Variants in LINGO2 observed in about 807,000 individuals in gnomAD.
LINGO2 encodes the protein leucine-rich repeat and immunoglobulin-like domain-containing nogo receptor-interacting protein 2.
A neutral mutation model predicts 30.6 loss-of-function variants in LINGO2; 14 were observed. That is an observed-to-expected ratio of 0.46 (90% CI 0.30 to 0.72). The LOEUF is 0.72. Ranked by LOEUF, LINGO2 falls within the 30% of genes least tolerant of loss-of-function variation. The pLI, the probability that LINGO2 is intolerant of heterozygous loss-of-function variation, is 0.07. For synonymous variants in LINGO2, 317 were observed against 288.5 expected, an observed-to-expected ratio of 1.10 and a Z score of -1.00; for missense variants, 729 against 751.7, an observed-to-expected ratio of 0.97 and a Z score of 0.35.
intron 1 of LINGO2, among the ~76,000 whole-genome samples, chr9:28,635,165 A>C (rs775250100): frequency 7.9e-5 from 12 of 152,152 alleles, no homozygotes; most frequent in Non-Finnish European, 1.8e-4. Flanking sequence ...CCAATATATA[A>C]ATTTTGCTGT....
chr9:28,264,535 A>G (rs1330186285), intron 4 of LINGO2, among the ~76,000 whole-genome samples: 1 of 151,952 alleles, frequency 6.6e-6, no homozygotes, highest in African/African-American at 2.4e-5. Context: ...TTAGCTAGTC[A>G]TTCAGCCCAT....
At chr9:28,402,855 T>C (rs559239012) in intron 2 of LINGO2, among the ~76,000 whole-genome samples, 4 of 152,268 alleles carry the variant, frequency 2.6e-5, no homozygotes, top group South Asian at 2.1e-4. Flanking sequence ...CCAAACACCT[T>C]ACACTTTTAG....
At chr9:28,062,828 TCAC>T (rs747840851) in intron 4 of LINGO2, among the ~76,000 whole-genome samples, 13 of 151,814 alleles carry the variant, frequency 8.6e-5, no homozygotes, top group Non-Finnish European at 1.2e-4. Context: ...TGTGCAACTA[TCAC>T]CACATTTTCA....
At chr9:29,165,539 C>T in the LINGO2 span, among the ~76,000 whole-genome samples, 1 of 151,900 alleles carries the variant, frequency 6.6e-6, no homozygotes, top group African/African-American at 2.4e-5. Flanking sequence ...TCTCCTGAGC[C>T]TAGGATAAGC....
At chr9:28,510,932 C>T (rs1041118432) in intron 1 of LINGO2, among the ~76,000 whole-genome samples, 4 of 151,996 alleles carry the variant, frequency 2.6e-5, no homozygotes, top group African/African-American at 9.7e-5. Flanking sequence ...CAGGAAGCAT[C>T]GAGTGCGGGA....
At chr9:28,948,881 A>G in the LINGO2 span, among the ~76,000 whole-genome samples, 208 of 152,006 alleles carry the variant, frequency 1.4e-3, 1 homozygote, top group African/African-American at 4.7e-3. Flanking sequence ...GAATACAGTA[A>G]TTACAACGGT....
intron 2 of LINGO2, among the ~76,000 whole-genome samples, chr9:28,401,556 T>A (rs180998770): frequency 6.6e-6 from 1 of 152,188 alleles, no homozygotes; most frequent in Admixed American, 6.5e-5. Flanking sequence ...TTGGGTTGGT[T>A]CCATGTCTTT....
At chr9:28,042,984 T>G (rs962155000) in intron 4 of LINGO2, among the ~76,000 whole-genome samples, 1 of 152,168 alleles carries the variant, frequency 6.6e-6, no homozygotes, top group African/African-American at 2.4e-5. Flanking sequence ...AGGTACACTT[T>G]AAGGGTCTAA....
chr9:28,416,939 T>C (rs1319378566), intron 2 of LINGO2, among the ~76,000 whole-genome samples: 1 of 152,100 alleles, frequency 6.6e-6, no homozygotes, highest in Non-Finnish European at 1.5e-5. Flanking sequence ...ATAAAAGAAA[T>C]ACATGGGTAC....
chr9:28,697,255 G>C, the LINGO2 span, among the ~76,000 whole-genome samples: 1 of 151,916 alleles, frequency 6.6e-6, no homozygotes, highest in African/African-American at 2.4e-5. Flanking sequence ...CTTCTTCCTA[G>C]TGTTCTGTCT....
chr9:29,162,818 C>T, the LINGO2 span, among the ~76,000 whole-genome samples: 5 of 152,064 alleles, frequency 3.3e-5, no homozygotes, highest in African/African-American at 4.8e-5. Context: ...GAAAAAAATA[C>T]TCCTACTATT....
the LINGO2 span, among the ~76,000 whole-genome samples, chr9:29,161,124 G>T: frequency 3.3e-4 from 51 of 152,328 alleles, no homozygotes; most frequent in African/African-American, 1.2e-3. Flanking sequence ...TGACCATGAA[G>T]GCAAGGGAGA....
chr9:28,762,546 A>G, the LINGO2 span, among the ~76,000 whole-genome samples: 1 of 152,042 alleles, frequency 6.6e-6, no homozygotes, highest in African/African-American at 2.4e-5. Flanking sequence ...CACAAGTAAC[A>G]ATGTTTAATT....
At chr9:28,048,831 C>T (rs1222148808) in intron 4 of LINGO2, among the ~76,000 whole-genome samples, 3 of 150,128 alleles carry the variant, frequency 2.0e-5, no homozygotes, top group African/African-American at 7.4e-5. Flanking sequence ...AAAATAGCAA[C>T]ATATATATGT....
intron 4 of LINGO2, among the ~76,000 whole-genome samples, chr9:28,020,841 C>A (rs1823082215): frequency 6.6e-6 from 1 of 152,096 alleles, no homozygotes; most frequent in Non-Finnish European, 1.5e-5. Context: ...TGTAGCATTT[C>A]TTTATCATTT....
chr9:28,946,289 C>G, the LINGO2 span, among the ~76,000 whole-genome samples: 1 of 152,090 alleles, frequency 6.6e-6, no homozygotes, highest in African/African-American at 2.4e-5. Context: ...AAATGTGCCC[C>G]TACACAGAGA....
At chr9:28,270,653 G>A (rs1357555136) in intron 4 of LINGO2, among the ~76,000 whole-genome samples, 2 of 152,108 alleles carry the variant, frequency 1.3e-5, no homozygotes, top group Admixed American at 1.3e-4. Flanking sequence ...TGCAGATCAC[G>A]ACTGAATATG....
intron 4 of LINGO2, among the ~76,000 whole-genome samples, chr9:28,065,356 A>G (rs914598003): frequency 6.6e-6 from 1 of 152,058 alleles, no homozygotes; most frequent in African/African-American, 2.4e-5. Flanking sequence ...TTTTCAAAAT[A>G]CTTGTTAAAT....
At chr9:29,133,844 A>T in the LINGO2 span, among the ~76,000 whole-genome samples, 1 of 152,138 alleles carries the variant, frequency 6.6e-6, no homozygotes, top group Non-Finnish European at 1.5e-5. Context: ...GTGTATCAAG[A>T]TCACACAAAA....
Sources: gnomAD v4.1 joint callset for allele counts (sites outside exome capture counted in the v4.1 genomes callset) on GRCh38, gnomAD v4.1.1 for gene constraint, MANE v1.5 for transcripts, NCBI Gene and HGNC (gene_info 2026-07-23, HGNC 2026-07-21) for gene names.